Variants in OLFML3 observed in about 807,000 individuals in gnomAD.
OLFML3 encodes olfactomedin like 3.
A neutral mutation model predicts 36.0 loss-of-function variants in OLFML3; 26 were observed. The ratio of observed to expected loss-of-function variants is 0.72; its 90% confidence interval spans 0.53 to 1.00. The LOEUF (loss-of-function observed/expected upper bound fraction) is 1.00, where lower values mean the gene tolerates loss of function less well. Among genes scored for constraint, OLFML3 ranks in the 50% least tolerant of loss-of-function variants. The pLI, the probability that OLFML3 is intolerant of heterozygous loss-of-function variation, is 0.00. For missense variants in OLFML3, 503 were observed against 519.4 expected (o/e 0.97, Z 0.31); for synonymous variants, 184 against 201.2 (o/e 0.91, Z 0.72).
At chr1:113,979,864 GC>G in intron 1 of OLFML3, 1 of 1,175,268 alleles carries the variant, frequency 8.5e-7, no homozygotes, top group South Asian at 1.8e-5. Context: ...GAATAAGGGG[GC>G]AGAGTGGAAA....
rs1465551524 is a variant in OLFML3 at position 113,981,229 on chromosome 1, A to G, written c.681A>G (p.Gly227=). Reference sequence around the variant, plus strand: ...TTTATTTTGCTCGGAGGCCTCCTGGAAGACCTGGTGGAGGTGGTGAGATGG... The same window carrying G: ...TTTATTTTGCTCGGAGGCCTCCTGGGAGACCTGGTGGAGGTGGTGAGATGG... The part of the protein sequence containing the change: ...GFLYFARRPP[G]RPGGGGEMEN... Residue 227 remains glycine (G), a synonymous_variant, in exon 3 of 3, where the codon GGA becomes GGG. Transcript: ENST00000320334. The G allele has an allele frequency of 2.5e-6, 4 of 1,613,810 alleles. No homozygotes were observed. Among genetic ancestry groups the G allele is most frequent in the Non-Finnish European group, 3.4e-6 (4 of 1,179,902 alleles).
rs199915326 is a variant in OLFML3 at position 113,981,058 on chromosome 1, C to T, written c.510C>T (p.Tyr170=). The change falls in exon 3 of 3, where the codon TAC becomes TAT. Residue 170 remains tyrosine, a synonymous_variant. Transcript: ENST00000320334. ...KDPLGQTEKI[Y]VLDGTQNDTA... ...CACTGGGGCAAACAGAGAAGATCTA[C>T]GTGTTAGATGGGACACAGAATGACA... 37 of 1,607,152 alleles carry T rather than the reference C, an allele frequency of 2.3e-5. No individual in the cohort carries two copies. Among genetic ancestry groups the T allele is most frequent in the Admixed American group, 2.0e-4 (12 of 59,296 alleles).
chr1:113,980,705 A>T, intron 2 of OLFML3, 88 bp downstream of exon 2: 2 of 1,377,928 alleles, frequency 1.5e-6, no homozygotes, highest in South Asian at 3.1e-5. Context: ...GCTTTGTCCC[A>T]GTCCATTGTG....
In OLFML3 at chr1:113,982,155, C is replaced by T. The variant is rs563303457; in HGVS notation, c.*386C>T. On this transcript the variant is annotated 3_prime_UTR_variant, in exon 3 of 3. Coordinates refer to ENST00000320334, the MANE Select transcript of OLFML3 (RefSeq NM_020190.5). ...ATAGGAGGAGACGTCCAGCTCTGTC[C>T]TCTCTTCCTCACTCCTCCCTTCAGT... is the stretch of plus-strand genomic sequence containing the variant. The T allele has an allele frequency of 7.1e-6, 2 of 280,094 alleles. No homozygotes were observed. Among genetic ancestry groups the T allele is most frequent in the South Asian group, 7.6e-5 (2 of 26,154 alleles). 17.4% of individuals were successfully genotyped at this position (280,094 alleles called of 1,614,324 possible). A position where few individuals can be genotyped will look rare whatever the true frequency, so the allele number is the denominator to read the frequency against.
At chr1:113,980,290 T>A in intron 1 of OLFML3, 42 bp from the exon 2 acceptor site, 15 of 1,526,126 alleles carry the variant, frequency 9.8e-6, no homozygotes, top group Non-Finnish European at 1.3e-5. Flanking sequence ...TGCCTGGGAG[T>A]TGTAACCCTG....
chr1:113,980,634 C>A lies in OLFML3; in HGVS notation c.400+17C>A. On this transcript the variant is annotated intron_variant, in intron 2 of 2. Coordinates refer to ENST00000320334, the MANE Select transcript of OLFML3 (RefSeq NM_020190.5). ...TGGTGACAGGTAAATAATCTGAAAGCAGGCCCCTAACTCTTCTCAGAACCG... is the reference window on the plus strand; with the variant it reads ...TGGTGACAGGTAAATAATCTGAAAGAAGGCCCCTAACTCTTCTCAGAACCG... 1 of 1,554,518 alleles carries A rather than the reference C, an allele frequency of 6.4e-7. No homozygotes were observed. Among genetic ancestry groups the A allele is most frequent in the South Asian group, 1.2e-5 (1 of 81,326 alleles).
At chr1:113,980,826 T>A (rs1673383999) in intron 2 of OLFML3, 123 bp from the exon 3 acceptor site, 2 of 1,060,132 alleles carry the variant, frequency 1.9e-6, no homozygotes, top group South Asian at 1.8e-5. Context: ...CAATTCTCCC[T>A]AAGATTGGAG....
chr1:113,980,048 C>T (rs551770097), intron 1 of OLFML3: 24 of 1,541,776 alleles, frequency 1.6e-5, no homozygotes, highest in South Asian at 3.6e-5. Flanking sequence ...CACCTTCATG[C>T]GCTTAGACCT....
chr1:113,979,877 G>A (rs1558158877), intron 1 of OLFML3: 3 of 1,325,374 alleles, frequency 2.3e-6, no homozygotes, highest in South Asian at 3.4e-5. Context: ...GAGTGGAAAC[G>A]AGAGCCAAAA....
Position 113,981,755 on chromosome 1 carries a change from G to A in OLFML3, c.1207G>A (p.Glu403Lys), listed in dbSNP as rs957063852. 6.8e-6 allele frequency: 11 copies of A among 1,613,332 alleles called. No individual in the cohort carries two copies. The African/African-American group carries it at 1.5e-4, about 22-fold the overall frequency. ...CTATAAGCTGGAGATGAGGAAGAAAGAGGAGGAGGTTTGAGGAGCTAGCCT... is the reference window on the plus strand; with the variant it reads ...CTATAAGCTGGAGATGAGGAAGAAAAAGGAGGAGGTTTGAGGAGCTAGCCT... ...IVYKLEMRKK[E>K]EEV Residue 403 changes from glutamate (E) to lysine (K), a missense_variant, in exon 3 of 3, where the codon GAG becomes AAG. Coordinates refer to ENST00000320334, the MANE Select transcript of OLFML3 (RefSeq NM_020190.5).
rs1489078651 is a variant in OLFML3, at chr1:113,981,522, T to A, written c.974T>A (p.Phe325Tyr). The change falls in exon 3 of 3, where the codon TTT becomes TAT. Residue 325 changes from phenylalanine to tyrosine, a missense_variant. By Grantham distance (22) the Phe-to-Tyr change is conservative. Transcript: ENST00000320334. ...PCPRENAEAAFVICGTLYVVY... is the reference protein window; with the variant it reads ...PCPRENAEAAYVICGTLYVVY... ...CCCAGAGAGAATGCTGAGGCTGCCTTTGTCATCTGTGGGACCCTCTATGTC... is the reference window on the plus strand; with the variant it reads ...CCCAGAGAGAATGCTGAGGCTGCCTATGTCATCTGTGGGACCCTCTATGTC... 1 of 1,613,968 alleles carries A rather than the reference T, an allele frequency of 6.2e-7. No individual in the cohort carries two copies. The highest frequency in any genetic ancestry group is 8.5e-7 in the Non-Finnish European group (1 of 1,179,992).
Position 113,980,501 on chromosome 1 carries a change from A to G in OLFML3, c.284A>G (p.Asp95Gly). Reference sequence around the variant, plus strand: ...GTGGATCGTCTGGAGCGGGAGGTAGACTATCTGGAGACCCAGAACCCAGCT... The same window carrying G: ...GTGGATCGTCTGGAGCGGGAGGTAGGCTATCTGGAGACCCAGAACCCAGCT... ...GRVDRLEREV[D>G]YLETQNPALP... Residue 95 changes from aspartate to glycine, a missense_variant, in exon 2 of 3, where the codon GAC becomes GGC. Transcript: ENST00000320334. 6.2e-7 allele frequency: 1 copy of G among 1,614,134 alleles called. No homozygotes were observed. Among genetic ancestry groups the G allele is most frequent in the Non-Finnish European group, 8.5e-7 (1 of 1,180,010 alleles).
chr1:113,981,478 G>A lies in OLFML3; in HGVS notation c.930G>A (p.Gln310=). The part of the protein sequence containing the change: ...KLDPQTLDTE[Q]QWDTPCPREN... ...ATCCACAGACACTGGACACAGAGCA[G>A]CAGTGGGACACACCATGTCCCAGAG... The change falls in exon 3 of 3, where the codon CAG becomes CAA. Residue 310 remains glutamine, a synonymous_variant. Transcript: ENST00000320334. The A allele has an allele frequency of 6.2e-7, 1 of 1,614,112 alleles. No homozygotes were observed. The highest frequency in any genetic ancestry group is 1.1e-5 in the South Asian group (1 of 91,072).
At position 113,980,958 on chromosome 1, in the gene OLFML3, A is replaced by G; in HGVS notation, c.410A>G (p.Tyr137Cys). Reference protein sequence around the residue: ...EKYDMVTDCGYTISQVRSMKI... With the variant: ...EKYDMVTDCGCTISQVRSMKI... The stretch of plus-strand genomic sequence containing the variant: ...GTGCTTTTCTCATCAGACTGTGGCT[A>G]CACAATCTCTCAAGTGAGATCAATG... Residue 137 changes from tyrosine to cysteine, a missense_variant, in exon 3 of 3, where the codon TAC (tyrosine) becomes TGC (cysteine). Coordinates refer to ENST00000320334, the MANE Select transcript of OLFML3 (RefSeq NM_020190.5). The G allele has an allele frequency of 6.6e-7, 1 of 1,519,322 alleles. No homozygotes were observed. Among genetic ancestry groups the G allele is most frequent in the Non-Finnish European group, 8.8e-7 (1 of 1,134,156 alleles). The allele number at this position is 1,519,322 out of a possible 1,614,324, so 94.1% of individuals were successfully genotyped here.
rs766941607 is a variant in OLFML3, at chr1:113,980,434, C to G, written c.217C>G (p.Arg73Gly). The change falls in exon 2 of 3, where the codon CGG (arginine) becomes GGG (glycine). Residue 73 changes from arginine to glycine, a missense_variant. Transcript: ENST00000320334. Reference sequence around the variant, plus strand: ...ACTGCTGGAGGTGGCAGAGAAGGAGCGGGAGGCACTCAGAACTGAGGCCGA... The same window carrying G: ...ACTGCTGGAGGTGGCAGAGAAGGAGGGGGAGGCACTCAGAACTGAGGCCGA... ...LPLLEVAEKE[R>G]EALRTEADTI... 2 of 1,613,034 alleles carry G rather than the reference C, an allele frequency of 1.2e-6. No individual in the cohort carries two copies. Among genetic ancestry groups the G allele is most frequent in the Non-Finnish European group, 1.7e-6 (2 of 1,179,590 alleles).
chr1:113,979,925 T>G (rs1673344940), intron 1 of OLFML3: 1 of 1,427,278 alleles, frequency 7.0e-7, no homozygotes, highest in South Asian at 1.6e-5. Flanking sequence ...GATGATTCTG[T>G]TGAAGTTGGA....
Position 113,981,457 on chromosome 1 carries a change from A to G in OLFML3, c.909A>G (p.Pro303=), listed in dbSNP as rs935723574. 1 of 1,613,680 alleles carries G rather than the reference A, an allele frequency of 6.2e-7. No individual in the cohort carries two copies. The highest frequency in any genetic ancestry group is 1.3e-5 in the African/African-American group (1 of 74,880). Reference sequence around the variant, plus strand: ...ACTTGTGTCTGGCCAAGTTAGATCCACAGACACTGGACACAGAGCAGCAGT... The same window carrying G: ...ACTTGTGTCTGGCCAAGTTAGATCCGCAGACACTGGACACAGAGCAGCAGT... The part of the protein sequence containing the change: ...DRHLCLAKLD[P]QTLDTEQQWD... The change falls in exon 3 of 3, where the codon CCA becomes CCG. Residue 303 remains proline, a synonymous_variant. Coordinates refer to ENST00000320334, the MANE Select transcript of OLFML3 (RefSeq NM_020190.5).
Position 113,981,933 on chromosome 1 carries a change from CG to C in OLFML3, c.*166del. On this transcript the variant is annotated 3_prime_UTR_variant, in exon 3 of 3. Coordinates refer to ENST00000320334, the MANE Select transcript of OLFML3 (RefSeq NM_020190.5). ...ATTCTTTCAGCTCCTTTGTTTCATA[CG>C]GAACTCCAGATCCTGAGTAATCCTT... 1.5e-5 allele frequency: 10 copies of C among 657,336 alleles called. No individual in the cohort carries two copies. In the South Asian group the frequency reaches 1.9e-4, roughly 13 times the overall value. The allele number at this position is 657,336 out of a possible 1,614,324, so 40.7% of individuals were successfully genotyped here.
rs1474263091 is a variant in OLFML3, at chr1:113,980,540, A to G, written c.323A>G (p.Glu108Gly). ...CAGAACCCAGCTCTGCCCTGTGTAG[A>G]GTTTGATGAGAAGGTGACTGGAGGC... ...ETQNPALPCV[E>G]FDEKVTGGPG... Residue 108 changes from glutamate (E) to glycine (G), a missense_variant, in exon 2 of 3, where the codon GAG (glutamate) becomes GGG (glycine). Glu to Gly is a moderately conservative substitution (Grantham distance 98, BLOSUM62 -2). Coordinates refer to ENST00000320334, the MANE Select transcript of OLFML3 (RefSeq NM_020190.5). The G allele has an allele frequency of 1.2e-6, 2 of 1,613,938 alleles. No individual in the cohort carries two copies. The highest frequency in any genetic ancestry group is 1.7e-5 in the Admixed American group (1 of 59,966).
Sources: allele counts gnomAD v4.1 joint callset, GRCh38; gene constraint gnomAD v4.1.1; transcripts MANE v1.5; gene names NCBI Gene and HGNC (gene_info 2026-07-23, HGNC 2026-07-21).